The following HPSE2 variants were observed in gnomAD, a reference collection of about 807,000 sequenced individuals.
HPSE2 encodes inactive heparanase-2.
Under a neutral mutation model 60.5 loss-of-function variants are expected in HPSE2, and 38 were observed. That is an observed-to-expected ratio of 0.63 (90% CI 0.48 to 0.82). The LOEUF (loss-of-function observed/expected upper bound fraction) is 0.82. Among genes scored for constraint, HPSE2 ranks in the 40% least tolerant of loss-of-function variants. The probability of loss-of-function intolerance (pLI) is 0.00; values close to 1 mark genes in which losing one functional copy is unlikely to be tolerated. For missense variants in HPSE2, 713 were observed against 740.4 expected (o/e 0.96, Z 0.43); for synonymous variants, 295 against 293.2 (o/e 1.01, Z -0.06).
intron 3 of HPSE2, among the ~76,000 whole-genome samples, chr10:98,753,070 G>A (rs898744871): frequency 8.5e-5 from 13 of 152,126 alleles, no homozygotes; most frequent in Non-Finnish European, 1.9e-4. Flanking sequence ...GTGAGGAGGT[G>A]TTGATTAAAG....
intron 9 of HPSE2, among the ~76,000 whole-genome samples, chr10:98,522,046 A>G (rs1942811376): frequency 6.6e-6 from 1 of 152,038 alleles, no homozygotes; most frequent in South Asian, 2.1e-4. Context: ...TGACGAGTTG[A>G]TGGGTGCAGC....
intron 3 of HPSE2, among the ~76,000 whole-genome samples, chr10:98,917,784 A>C (rs1954162408): frequency 1.3e-5 from 2 of 152,204 alleles, no homozygotes; most frequent in Admixed American, 6.6e-5. Context: ...GTTTAGTAAC[A>C]CTTGTACAGG....
At chr10:99,305,959 A>ACG in the HPSE2 span, among the ~76,000 whole-genome samples, 1 of 29,678 alleles carries the variant, frequency 3.4e-5, no homozygotes, top group Non-Finnish European at 8.7e-5. Flanking sequence ...AAACTCACAC[A>ACG]CACGCGCGCG....
Position 98,486,160 on chromosome 10 carries a change from G to T in HPSE2, c.1467-3378C>A, listed in dbSNP as rs543013079. The stretch of plus-strand genomic sequence containing the variant: ...CTTATGGGCAAGGACATTAAGCCAG[G>T]CCTTTTTGCTGCAAAGACACATTCT... On this transcript the variant is annotated intron_variant, in intron 10 of 11. Transcript: ENST00000370552. 7.2e-5 allele frequency among the ~76,000 whole-genome samples: 11 copies of T among 152,260 alleles called. 1 individual carries two copies. The highest frequency in any genetic ancestry group is 2.6e-4 in the African/African-American group (11 of 41,544).
intron 11 of HPSE2, among the ~76,000 whole-genome samples, chr10:98,481,857 G>C (rs1564908788): frequency 6.6e-6 from 1 of 152,208 alleles, no homozygotes; most frequent in African/African-American, 2.4e-5. Context: ...TACCCTTCCT[G>C]AGAGGCCTCA....
intron 3 of HPSE2, among the ~76,000 whole-genome samples, chr10:98,746,169 CA>C (rs1432139786): frequency 2.8e-5 from 1 of 35,210 alleles, no homozygotes; most frequent in Non-Finnish European, 9.7e-5. Context: ...ACAACAACAA[CA>C]ACAAAAGGAA....
intron 2 of HPSE2, among the ~76,000 whole-genome samples, chr10:99,162,621 T>C (rs1403764451): frequency 6.6e-6 from 1 of 152,164 alleles, no homozygotes; most frequent in African/African-American, 2.4e-5. Context: ...GAGATCCTAA[T>C]ATTCCCAAGC....
At chr10:98,984,820 C>T (rs1340498194) in intron 3 of HPSE2, among the ~76,000 whole-genome samples, 25 of 152,138 alleles carry the variant, frequency 1.6e-4, no homozygotes, top group Admixed American at 9.8e-4. Context: ...CTGAAAACCA[C>T]GGCACGAGAA....
At chr10:99,104,923 G>A (rs984022555) in intron 3 of HPSE2, among the ~76,000 whole-genome samples, 4 of 152,048 alleles carry the variant, frequency 2.6e-5, no homozygotes, top group African/African-American at 7.2e-5. Flanking sequence ...GGGGTCGGGG[G>A]AGAGGGGAGG....
At chr10:99,249,356 A>T in the HPSE2 span, among the ~76,000 whole-genome samples, 1 of 152,084 alleles carries the variant, frequency 6.6e-6, no homozygotes, top group Admixed American at 6.5e-5. Context: ...GTCAAAGGAG[A>T]TTATTTTGGA....
chr10:99,173,073 T>C (rs1395689399), intron 2 of HPSE2, among the ~76,000 whole-genome samples: 2 of 152,104 alleles, frequency 1.3e-5, no homozygotes, highest in Admixed American at 6.6e-5. Context: ...ATACTAAGCC[T>C]GGAGTATAGT....
intron 3 of HPSE2, among the ~76,000 whole-genome samples, chr10:98,814,505 C>T (rs1379598333): frequency 2.0e-5 from 3 of 152,142 alleles, no homozygotes; most frequent in African/African-American, 7.2e-5. Context: ...TTTAAAGAGG[C>T]AGACAATCAT....
chr10:99,132,142 A>G (rs545015100), intron 3 of HPSE2, among the ~76,000 whole-genome samples: 19 of 32,062 alleles, frequency 5.9e-4, no homozygotes, highest in Admixed American at 2.3e-3. Flanking sequence ...GGAAAGAAAG[A>G]AAGGAAGAAA....
At chr10:99,109,536 A>C (rs1844378541) in intron 3 of HPSE2, among the ~76,000 whole-genome samples, 1 of 152,144 alleles carries the variant, frequency 6.6e-6, no homozygotes, top group South Asian at 2.1e-4. Context: ...GAAAGGAATG[A>C]TAATGCTAAC....
chr10:98,492,035 T>C (rs1180769434), intron 9 of HPSE2, among the ~76,000 whole-genome samples: 2 of 152,244 alleles, frequency 1.3e-5, no homozygotes, highest in African/African-American at 4.8e-5. Flanking sequence ...TTCCCATTTT[T>C]CTTATCCTTC....
chr10:98,607,861 T>C (rs1361715599), intron 9 of HPSE2, among the ~76,000 whole-genome samples: 1 of 152,206 alleles, frequency 6.6e-6, no homozygotes, highest in Non-Finnish European at 1.5e-5. Context: ...ATCAAATATA[T>C]ATTTGATAAC....
At chr10:98,970,508 A>G (rs552500809) in intron 3 of HPSE2, among the ~76,000 whole-genome samples, 11 of 152,314 alleles carry the variant, frequency 7.2e-5, no homozygotes, top group African/African-American at 1.9e-4. Flanking sequence ...CTTTGCCCCA[A>G]TGAGGGAAAG....
At chr10:98,623,744 T>A (rs1946132711) in intron 7 of HPSE2, among the ~76,000 whole-genome samples, 1 of 152,196 alleles carries the variant, frequency 6.6e-6, no homozygotes, top group South Asian at 2.1e-4. Flanking sequence ...TGTTAAAATG[T>A]GTTAGTATTT....
chr10:99,057,068 AATG>A (rs1239468009), intron 3 of HPSE2, among the ~76,000 whole-genome samples: 1 of 152,182 alleles, frequency 6.6e-6, no homozygotes, highest in Non-Finnish European at 1.5e-5. Context: ...GCTGGAAAGA[AATG>A]ATAAGGGGAC....
Sources: gnomAD v4.1 joint callset for allele counts (sites outside exome capture counted in the v4.1 genomes callset) on GRCh38, gnomAD v4.1.1 for gene constraint, MANE v1.5 for transcripts, NCBI Gene and HGNC (gene_info 2026-07-23, HGNC 2026-07-21) for gene names.